The following GRIA3 variants were observed in gnomAD, a reference collection of about 807,000 sequenced individuals.
The protein encoded by GRIA3 is glutamate ionotropic receptor AMPA type subunit 3, also known as glutamate receptor 3.
A neutral mutation model predicts 63.0 loss-of-function variants in GRIA3; 3 were observed. The ratio of observed to expected loss-of-function variants is 0.05; its 90% CI spans 0.02 to 0.12. The LOEUF is 0.12. Ranked by LOEUF, GRIA3 falls within the 10% of genes least tolerant of loss-of-function variation. GRIA3 has a pLI of 1.00. For synonymous variants in GRIA3, 274 were observed against 257.9 expected, an observed-to-expected ratio of 1.06 and a Z score of -0.60; for missense variants, 347 against 700.9, an observed-to-expected ratio of 0.50 and a Z score of 5.70.
At chrX:123,352,084 C>CTT (rs1407972510) in intron 4 of GRIA3, among the ~76,000 whole-genome samples, 2 of 29,572 alleles carry the variant, frequency 6.8e-5, no homozygotes, top group South Asian at 8.8e-4. Flanking sequence ...ACATTTCAAA[C>CTT]ATTTTTTTTT....
chrX:123,381,562 C>A (rs2045324441), intron 5 of GRIA3, among the ~76,000 whole-genome samples: 1 of 111,374 alleles, frequency 9.0e-6, no homozygotes, highest in Non-Finnish European at 1.9e-5. Context: ...GACCTAGAAG[C>A]CAAACAAATC....
chrX:123,482,878 T>C lies in GRIA3; in HGVS notation c.2519T>C (p.Met840Thr). Reference protein sequence around the residue: ...ILVGGLGLAMMVALIEFCYKS... With the variant: ...ILVGGLGLAMTVALIEFCYKS... The stretch of plus-strand genomic sequence containing the variant: ...GTCGGAGGTCTGGGGCTGGCCATGA[T>C]GGTGGCTTTGATAGAATTCTGTTAC... Residue 840 changes from methionine to threonine, a missense_variant, in exon 15 of 16, where the codon ATG (methionine) becomes ACG (threonine). Transcript: ENST00000620443. 8.3e-7 allele frequency: 1 copy of C among 1,210,974 alleles called. No homozygotes were observed. Among genetic ancestry groups the C allele is most frequent in the Non-Finnish European group, 1.1e-6 (1 of 894,899 alleles).
intron 12 of GRIA3, among the ~76,000 whole-genome samples, chrX:123,456,074 T>G (rs933191247): frequency 9.0e-6 from 1 of 111,724 alleles, no homozygotes; most frequent in African/African-American, 3.3e-5. Flanking sequence ...AAGCCCACTA[T>G]GGCACCTCTT....
intron 6 of GRIA3, among the ~76,000 whole-genome samples, chrX:123,396,793 C>G (rs896445144): frequency 1.8e-5 from 2 of 112,058 alleles, no homozygotes; most frequent in African/African-American, 6.5e-5. Context: ...AGTCATGGTT[C>G]AAATGCATAT....
At chrX:123,433,034 G>A (rs748425265) in intron 12 of GRIA3, among the ~76,000 whole-genome samples, 1 of 111,833 alleles carries the variant, frequency 8.9e-6, no homozygotes, top group Non-Finnish European at 1.9e-5. Flanking sequence ...TCATGACAGA[G>A]ATGAGATAAT....
chrX:123,429,480 C>A (rs890519333), intron 12 of GRIA3, among the ~76,000 whole-genome samples: 7 of 111,714 alleles, frequency 6.3e-5, no homozygotes, highest in Non-Finnish European at 1.1e-4. Context: ...CCAATGAAGA[C>A]CCTCTGGAAC....
chrX:123,263,627 C>T (rs191355492), intron 3 of GRIA3, among the ~76,000 whole-genome samples: 6 of 112,194 alleles, frequency 5.3e-5, no homozygotes, highest in South Asian at 7.5e-4. Context: ...TTTATTTCCA[C>T]GGGTTCCTGT....
chrX:123,224,584 C>CT (rs2147267106), intron 2 of GRIA3, among the ~76,000 whole-genome samples: 1 of 110,939 alleles, frequency 9.0e-6, no homozygotes, highest in Admixed American at 9.6e-5. Flanking sequence ...TTTATCGGGG[C>CT]TTTTTTCTAC....
chrX:123,409,401 G>GT (rs1487937121), intron 10 of GRIA3, among the ~76,000 whole-genome samples: 1 of 111,979 alleles, frequency 8.9e-6, no homozygotes, highest in Non-Finnish European at 1.9e-5. Flanking sequence ...TTATAAATAG[G>GT]TTTTTTTCTA....
chrX:123,294,192 A>G lies in GRIA3; in HGVS notation c.509-31834A>G, dbSNP rs1374461322. Among the ~76,000 whole-genome samples the G allele has an allele frequency of 1.5e-4, 17 of 111,159 alleles. No homozygotes were observed. The Admixed American group carries it at 1.6e-3, about 11-fold the overall frequency. ...TTATCCCTATTTTGAAGATGAAGAAACTGAGGCACAGAGATATTAAATAAC... is the reference window on the plus strand; with the variant it reads ...TTATCCCTATTTTGAAGATGAAGAAGCTGAGGCACAGAGATATTAAATAAC... On this transcript the variant is annotated intron_variant, in intron 3 of 15. Coordinates refer to ENST00000620443, the MANE Select transcript of GRIA3 (RefSeq NM_007325.5).
At chrX:123,459,806 A>G (rs1198959629) in intron 12 of GRIA3, among the ~76,000 whole-genome samples, 7 of 106,700 alleles carry the variant, frequency 6.6e-5, no homozygotes, top group African/African-American at 1.8e-4. Flanking sequence ...TTCATCCAAA[A>G]TAAGACAGAA....
At chrX:123,281,880 T>C (rs755938644) in intron 3 of GRIA3, among the ~76,000 whole-genome samples, 6 of 112,001 alleles carry the variant, frequency 5.4e-5, no homozygotes, top group Admixed American at 9.4e-5. Flanking sequence ...CATCCCATGG[T>C]GGAGGTTGGA....
intron 13 of GRIA3, among the ~76,000 whole-genome samples, chrX:123,470,455 A>C (rs1242553828): frequency 8.9e-6 from 1 of 111,931 alleles, no homozygotes; most frequent in African/African-American, 3.2e-5. Flanking sequence ...GGGTGCTCTT[A>C]AGGTACCTAA....
At chrX:123,335,651 G>C (rs995032888) in intron 4 of GRIA3, among the ~76,000 whole-genome samples, 5 of 111,013 alleles carry the variant, frequency 4.5e-5, no homozygotes, top group Non-Finnish European at 5.7e-5. Context: ...CAATAAAACT[G>C]ATGCAAATAT....
chrX:123,379,626 T>TTG (rs1224710622), intron 5 of GRIA3, among the ~76,000 whole-genome samples: 65 of 106,675 alleles, frequency 6.1e-4, no homozygotes, highest in Non-Finnish European at 1.2e-3. Flanking sequence ...ACTTGTTTTT[T>TTG]TTTTTTTTTT....
At chrX:123,478,950 G>T (rs1473116158) in intron 13 of GRIA3, among the ~76,000 whole-genome samples, 2 of 112,919 alleles carry the variant, frequency 1.8e-5, no homozygotes, top group Non-Finnish European at 3.7e-5. Flanking sequence ...GCTCTAGAAA[G>T]AAGACAGGAT....
intron 15 of GRIA3, among the ~76,000 whole-genome samples, chrX:123,484,573 C>G (rs996758553): frequency 6.3e-5 from 7 of 111,825 alleles, no homozygotes; most frequent in African/African-American, 2.3e-4. Flanking sequence ...CTCCACATCC[C>G]GGGTTCAAGC....
intron 4 of GRIA3, among the ~76,000 whole-genome samples, chrX:123,353,757 G>T (rs999169171): frequency 3.6e-5 from 4 of 111,005 alleles, no homozygotes; most frequent in South Asian, 3.8e-4. Context: ...AATTGCATTA[G>T]CTTCAGGCCA....
At chrX:123,384,815 C>T (rs1292431675) in intron 5 of GRIA3, among the ~76,000 whole-genome samples, 2 of 111,387 alleles carry the variant, frequency 1.8e-5, no homozygotes, top group Non-Finnish European at 3.8e-5. Context: ...GGTGTCTGTT[C>T]GTGTCCTTTG....
Sources: allele counts gnomAD v4.1 joint callset (sites outside exome capture counted in the v4.1 genomes callset), GRCh38; gene constraint gnomAD v4.1.1; transcripts MANE v1.5; gene names NCBI Gene and HGNC (gene_info 2026-07-23, HGNC 2026-07-21).